The following PLCB1 variants were observed in gnomAD, a reference collection of about 807,000 sequenced individuals.
PLCB1 encodes the protein 1-phosphatidylinositol 4,5-bisphosphate phosphodiesterase beta-1.
In PLCB1, 46 loss-of-function variants were observed where a neutral mutation model predicts 161.8. The ratio of observed to expected loss-of-function variants is 0.28; its 90% CI spans 0.22 to 0.36. PLCB1 has a LOEUF of 0.36. Ranked by LOEUF, PLCB1 falls within the 10% of genes least tolerant of loss-of-function variation. The probability of loss-of-function intolerance (pLI) is 1.00; values close to 1 mark genes in which losing one functional copy is unlikely to be tolerated. For missense variants in PLCB1, 1,016 were observed against 1,472.5 expected (o/e 0.69, Z 5.07); for synonymous variants, 517 against 503.7 (o/e 1.03, Z -0.35).
intron 3 of PLCB1, among the ~76,000 whole-genome samples, chr20:8,424,292 C>T (rs1224994898): frequency 2.6e-5 from 4 of 152,086 alleles, no homozygotes; most frequent in African/African-American, 9.7e-5. Flanking sequence ...AGTCATAGGA[C>T]GGGAATCCAG....
chr20:8,206,171 C>T (rs549339754), intron 2 of PLCB1, among the ~76,000 whole-genome samples: 2 of 152,290 alleles, frequency 1.3e-5, no homozygotes, highest in African/African-American at 2.4e-5. Flanking sequence ...TTTGTGTGTG[C>T]TCTTTTCCTG....
chr20:8,386,291 AT>A (rs774742613), intron 3 of PLCB1, among the ~76,000 whole-genome samples: 13 of 152,202 alleles, frequency 8.5e-5, no homozygotes, highest in Non-Finnish European at 1.3e-4. Flanking sequence ...GAATAATAAG[AT>A]TTGAAAGTCA....
intron 3 of PLCB1, among the ~76,000 whole-genome samples, chr20:8,424,973 C>G (rs73090273): frequency 1.3e-5 from 2 of 152,184 alleles, no homozygotes; most frequent in South Asian, 4.1e-4. Context: ...TTGGCCACTT[C>G]GTGCTCACCT....
chr20:8,396,816 G>C (rs1987783064), intron 3 of PLCB1, among the ~76,000 whole-genome samples: 2 of 151,998 alleles, frequency 1.3e-5, no homozygotes, highest in Non-Finnish European at 2.9e-5. Context: ...GACACTGTAA[G>C]CATGGCCATG....
At chr20:8,309,438 AAACAT>A (rs1472669106) in intron 2 of PLCB1, among the ~76,000 whole-genome samples, 1 of 152,216 alleles carries the variant, frequency 6.6e-6, no homozygotes, top group African/African-American at 2.4e-5. Flanking sequence ...TTGAATAAGA[AAACAT>A]AACATCCTCC....
chr20:8,842,581 T>C (rs1466763477), intron 31 of PLCB1, among the ~76,000 whole-genome samples: 1 of 152,174 alleles, frequency 6.6e-6, no homozygotes, highest in Non-Finnish European at 1.5e-5. Context: ...GAAAGGGCTT[T>C]ATTCAGCTGG....
intron 31 of PLCB1, among the ~76,000 whole-genome samples, chr20:8,797,570 C>T (rs527782300): frequency 7.2e-5 from 11 of 152,208 alleles, no homozygotes; most frequent in African/African-American, 2.6e-4. Context: ...GTTTAAACTT[C>T]TATTCTATGC....
At chr20:8,203,281 G>C in intron 2 of PLCB1, among the ~76,000 whole-genome samples, 1 of 152,060 alleles carries the variant, frequency 6.6e-6, no homozygotes, top group East Asian at 1.9e-4. Flanking sequence ...AATTTAATGT[G>C]GGAAATAAGG....
chr20:8,644,430 A>C (rs1989078828), intron 4 of PLCB1, among the ~76,000 whole-genome samples: 1 of 144,026 alleles, frequency 6.9e-6, no homozygotes, highest in African/African-American at 2.6e-5. Flanking sequence ...AGATGTGGGG[A>C]GCGCCTCTGC....
At chr20:8,847,868 A>G (rs1469099807) in intron 31 of PLCB1, among the ~76,000 whole-genome samples, 1 of 152,226 alleles carries the variant, frequency 6.6e-6, no homozygotes, top group Non-Finnish European at 1.5e-5. Context: ...TGCTGCTATA[A>G]CAAAATGCCT....
At chr20:8,445,706 G>A (rs576336034) in intron 3 of PLCB1, among the ~76,000 whole-genome samples, 244 of 152,026 alleles carry the variant, frequency 1.6e-3, no homozygotes, top group African/African-American at 5.6e-3. Context: ...ATTTGTTTGT[G>A]TCCTCTTTTA....
At chr20:8,387,970 CT>C (rs35435405) in intron 3 of PLCB1, among the ~76,000 whole-genome samples, 286 of 133,116 alleles carry the variant, frequency 2.1e-3, no homozygotes, top group Admixed American at 4.6e-3. Context: ...TGTTTTACCA[CT>C]TTTTTTAAAA....
chr20:8,740,301 G>A (rs1980805114), intron 21 of PLCB1, 43 bp from the exon 22 acceptor site: 2 of 1,049,636 alleles, frequency 1.9e-6, no homozygotes, highest in East Asian at 2.4e-5. Context: ...AACTAACATT[G>A]GAAAGGAAAT....
intron 4 of PLCB1, among the ~76,000 whole-genome samples, chr20:8,634,844 G>T (rs987707341): frequency 3.9e-5 from 6 of 152,122 alleles, no homozygotes; most frequent in African/African-American, 1.4e-4. Context: ...CCACCACTTT[G>T]ACTGTTGCAC....
At chr20:8,302,359 A>C (rs1373054751) in intron 2 of PLCB1, among the ~76,000 whole-genome samples, 1 of 152,208 alleles carries the variant, frequency 6.6e-6, no homozygotes, top group African/African-American at 2.4e-5. Flanking sequence ...CTTCTCTTTC[A>C]TGATAGCATC....
chr20:8,574,641 A>G (rs1315401190), intron 3 of PLCB1, among the ~76,000 whole-genome samples: 2 of 151,926 alleles, frequency 1.3e-5, no homozygotes, highest in Non-Finnish European at 2.9e-5. Context: ...TATGTTATCA[A>G]GCCATTACTA....
At chr20:8,459,990 A>T (rs968793837) in intron 3 of PLCB1, among the ~76,000 whole-genome samples, 2 of 152,218 alleles carry the variant, frequency 1.3e-5, no homozygotes, top group African/African-American at 4.8e-5. Context: ...TTTTTAGCTC[A>T]GAAATTGTGA....
At chr20:8,351,889 T>C (rs955244109) in intron 2 of PLCB1, among the ~76,000 whole-genome samples, 1 of 152,120 alleles carries the variant, frequency 6.6e-6, no homozygotes, top group Non-Finnish European at 1.5e-5. Flanking sequence ...TCATTACTAA[T>C]GGGGTTGCAA....
At chr20:8,747,324 T>C (rs1981222437) in intron 23 of PLCB1, among the ~76,000 whole-genome samples, 1 of 152,212 alleles carries the variant, frequency 6.6e-6, no homozygotes, top group Non-Finnish European at 1.5e-5. Context: ...AAAGCTGTAT[T>C]CATTTGCCAA....
Sources: allele counts gnomAD v4.1 joint callset (sites outside exome capture counted in the v4.1 genomes callset), GRCh38; gene constraint gnomAD v4.1.1; transcripts MANE v1.5; gene names NCBI Gene and HGNC (gene_info 2026-07-23, HGNC 2026-07-21).